SLC44A5: variants seen among roughly 807,000 people sequenced by gnomAD.
The protein encoded by SLC44A5 is choline transporter-like protein 5.
A neutral mutation model predicts 101.8 loss-of-function variants in SLC44A5; 57 were observed. The observed-to-expected ratio is 0.56, with a 90% CI of 0.45 to 0.70. The LOEUF (loss-of-function observed/expected upper bound fraction) is 0.70. SLC44A5 is among the 30% of genes least tolerant of loss of function. The pLI, the probability that SLC44A5 is intolerant of heterozygous loss-of-function variation, is 0.00. For synonymous variants in SLC44A5, 281 were observed against 290.9 expected (o/e 0.97, Z 0.35); for missense variants, 737 against 853.1 (o/e 0.86, Z 1.70).
At chr1:75,718,120 A>C in the SLC44A5 span, among the ~76,000 whole-genome samples, 1 of 152,194 alleles carries the variant, frequency 6.6e-6, no homozygotes, top group Non-Finnish European at 1.5e-5. Context: ...AAGTTGTGAC[A>C]CCTTTACTTA....
chr1:75,657,021 C>T, the SLC44A5 span, among the ~76,000 whole-genome samples: 2 of 152,064 alleles, frequency 1.3e-5, no homozygotes, highest in African/African-American at 4.8e-5. Context: ...TGGTGGTGCA[C>T]ACCTGTAGTC....
chr1:75,475,759 A>T (rs1392269318), intron 2 of SLC44A5, among the ~76,000 whole-genome samples: 1 of 152,236 alleles, frequency 6.6e-6, no homozygotes, highest in Admixed American at 6.5e-5. Context: ...TGTGTTTAAG[A>T]GTGAGGGCTA....
intron 1 of SLC44A5, among the ~76,000 whole-genome samples, chr1:75,573,738 G>T (rs1673211800): frequency 6.6e-6 from 1 of 151,960 alleles, no homozygotes; most frequent in Admixed American, 6.6e-5. Flanking sequence ...ACTCCAGTAA[G>T]TATCAGGTAA....
At chr1:75,268,834 T>C (rs1651221581) in intron 6 of SLC44A5, among the ~76,000 whole-genome samples, 1 of 152,166 alleles carries the variant, frequency 6.6e-6, no homozygotes, top group African/African-American at 2.4e-5. Context: ...AATGGTATTT[T>C]ATAATTGACT....
intron 2 of SLC44A5, among the ~76,000 whole-genome samples, chr1:75,502,829 G>T (rs560269360): frequency 1.1e-4 from 16 of 151,680 alleles, no homozygotes; most frequent in African/African-American, 1.7e-4. Context: ...CATATTTTTT[G>T]AATAAGTCCC....
At chr1:75,284,141 T>C (rs1429671321) in intron 5 of SLC44A5, among the ~76,000 whole-genome samples, 1 of 152,190 alleles carries the variant, frequency 6.6e-6, no homozygotes, top group Non-Finnish European at 1.5e-5. Flanking sequence ...GCATGGTATG[T>C]GTTTCCATTT....
chr1:75,353,272 G>A (rs1419366236), intron 3 of SLC44A5, among the ~76,000 whole-genome samples: 1 of 152,192 alleles, frequency 6.6e-6, no homozygotes, highest in Admixed American at 6.5e-5. Context: ...CATTCAGTGA[G>A]CCAACTGAGC....
chr1:75,212,819 A>G (rs535411259), intron 22 of SLC44A5, among the ~76,000 whole-genome samples: 104 of 152,134 alleles, frequency 6.8e-4, no homozygotes, highest in African/African-American at 2.5e-3. Context: ...TATTTTTGAA[A>G]TGTGGGTTAA....
intron 2 of SLC44A5, among the ~76,000 whole-genome samples, chr1:75,402,856 C>A (rs1243460981): frequency 6.6e-6 from 1 of 152,114 alleles, no homozygotes; most frequent in Admixed American, 6.5e-5. Context: ...ACCATTTACT[C>A]CCCTGGAAAG....
intron 3 of SLC44A5, among the ~76,000 whole-genome samples, chr1:75,394,760 T>C (rs921804464): frequency 6.6e-6 from 1 of 152,008 alleles, no homozygotes; most frequent in African/African-American, 2.4e-5. Context: ...TAAAAAGAAG[T>C]GTAAATGTGG....
chr1:75,220,869 C>G (rs1241219680), intron 14 of SLC44A5, among the ~76,000 whole-genome samples: 1 of 152,188 alleles, frequency 6.6e-6, no homozygotes, highest in Non-Finnish European at 1.5e-5. Context: ...CCATACACTG[C>G]TAAGTGAATT....
At chr1:75,716,052 A>T in the SLC44A5 span, among the ~76,000 whole-genome samples, 2 of 152,192 alleles carry the variant, frequency 1.3e-5, no homozygotes, top group African/African-American at 4.8e-5. Context: ...CAACAAGCAT[A>T]TGAAAAAATG....
chr1:75,390,071 A>C (rs1251520049), intron 3 of SLC44A5, among the ~76,000 whole-genome samples: 1 of 152,142 alleles, frequency 6.6e-6, no homozygotes, highest in Non-Finnish European at 1.5e-5. Flanking sequence ...AATCTAGAGG[A>C]AATGGGTAAA....
At chr1:75,474,403 G>A (rs1304477696) in intron 2 of SLC44A5, among the ~76,000 whole-genome samples, 2 of 152,138 alleles carry the variant, frequency 1.3e-5, no homozygotes, top group African/African-American at 4.8e-5. Flanking sequence ...ATTCATTCAC[G>A]AGAACACTAC....
chr1:75,677,769 C>G, the SLC44A5 span: 1 of 437,996 alleles, frequency 2.3e-6, no homozygotes, highest in African/African-American at 2.1e-5. Flanking sequence ...CCAAGATGGC[C>G]GAATAGGAAC....
intron 2 of SLC44A5, among the ~76,000 whole-genome samples, chr1:75,538,769 A>C (rs764082037): frequency 6.6e-6 from 1 of 152,202 alleles, no homozygotes; most frequent in Non-Finnish European, 1.5e-5. Context: ...AATAAAATTT[A>C]TTGTTCCTCT....
intron 2 of SLC44A5, among the ~76,000 whole-genome samples, chr1:75,509,020 G>A (rs547894119): frequency 6.6e-6 from 1 of 152,340 alleles, no homozygotes; most frequent in Admixed American, 6.5e-5. Context: ...GGGAACCAGT[G>A]AAAGTACATG....
At chr1:75,607,788 C>G in intron 1 of SLC44A5, among the ~76,000 whole-genome samples, 1 of 151,972 alleles carries the variant, frequency 6.6e-6, no homozygotes, top group East Asian at 1.9e-4. Context: ...CCTCATTCAC[C>G]TTCTGCCATG....
chr1:75,352,796 G>A lies in SLC44A5; in HGVS notation c.53-13166C>T, dbSNP rs1213751639. Among the ~76,000 whole-genome samples, 6 of 152,138 alleles carry A rather than the reference G, an allele frequency of 3.9e-5. No homozygotes were observed. The East Asian group carries it at 9.7e-4, about 24-fold the overall frequency. ...TACGTGTATGTGCATTAAGATACAT[G>A]GATAATACGGTTCATGGCAGCAGCA... On this transcript the variant is annotated intron_variant, in intron 3 of 23. Transcript: ENST00000370859.
Sources: allele counts gnomAD v4.1 joint callset (sites outside exome capture counted in the v4.1 genomes callset), GRCh38; gene constraint gnomAD v4.1.1; transcripts MANE v1.5; gene names NCBI Gene and HGNC (gene_info 2026-07-23, HGNC 2026-07-21).